The following LARGE1 variants were observed in gnomAD, a reference collection of about 807,000 sequenced individuals.
The protein encoded by LARGE1 is LARGE xylosyl- and glucuronyltransferase 1.
A neutral mutation model predicts 87.6 loss-of-function variants in LARGE1; 43 were observed. The observed-to-expected ratio is 0.49, with a 90% CI of 0.38 to 0.63. The LOEUF is 0.63. Among genes scored for constraint, LARGE1 ranks in the 30% least tolerant of loss-of-function variants. The pLI, the probability that LARGE1 is intolerant of heterozygous loss-of-function variation, is 0.00. For missense variants in LARGE1, 802 were observed against 1,000.2 expected (o/e 0.80, Z 2.67); for synonymous variants, 434 against 394.6 (o/e 1.10, Z -1.18).
chr22:33,861,917 G>A (rs1445563262), intron 1 of LARGE1, among the ~76,000 whole-genome samples: 1 of 147,614 alleles, frequency 6.8e-6, no homozygotes, highest in African/African-American at 2.5e-5. Context: ...AGGCTGGAGT[G>A]GCATGATCTC....
At chr22:33,274,656 G>T in intron 14 of LARGE1, 32 bp from the exon 15 acceptor site, 1 of 1,596,380 alleles carries the variant, frequency 6.3e-7, no homozygotes, top group Non-Finnish European at 8.6e-7. Context: ...GTGAGAACCC[G>T]CAAGAGCCGA....
chr22:33,622,097 G>T (rs944749640), intron 4 of LARGE1, among the ~76,000 whole-genome samples: 1 of 152,206 alleles, frequency 6.6e-6, no homozygotes, highest in African/African-American at 2.4e-5. Context: ...CCCACTGGAG[G>T]TTGTTAGGGA....
At chr22:33,305,156 G>A (rs1019119474) in intron 11 of LARGE1, among the ~76,000 whole-genome samples, 1 of 152,050 alleles carries the variant, frequency 6.6e-6, no homozygotes, top group African/African-American at 2.4e-5. Context: ...TGGGACCTTG[G>A]AGTCAGGGAG....
At chr22:33,789,368 T>C (rs1459859344) in intron 1 of LARGE1, among the ~76,000 whole-genome samples, 2 of 152,236 alleles carry the variant, frequency 1.3e-5, no homozygotes, top group Non-Finnish European at 2.9e-5. Context: ...TCCAGGCAGA[T>C]GTCTGCTACA....
At chr22:33,781,253 C>T in intron 1 of LARGE1, among the ~76,000 whole-genome samples, 1 of 152,156 alleles carries the variant, frequency 6.6e-6, no homozygotes, top group South Asian at 2.1e-4. Flanking sequence ...AATCCCAGCA[C>T]TTTGGGAGGC....
chr22:33,816,629 C>T (rs542495579), intron 1 of LARGE1, among the ~76,000 whole-genome samples: 46 of 151,788 alleles, frequency 3.0e-4, no homozygotes, highest in African/African-American at 1.1e-3. Context: ...GGCAGGCAGG[C>T]GGGAGGGCGG....
intron 6 of LARGE1, among the ~76,000 whole-genome samples, chr22:33,457,884 G>C (rs1030877849): frequency 6.6e-6 from 1 of 152,070 alleles, no homozygotes; most frequent in African/African-American, 2.4e-5. Context: ...TGTGTATATG[G>C]AAAACGACAC....
At chr22:33,449,324 C>T in intron 6 of LARGE1, among the ~76,000 whole-genome samples, 1 of 152,138 alleles carries the variant, frequency 6.6e-6, no homozygotes, top group East Asian at 1.9e-4. Flanking sequence ...AGCTGTTGAG[C>T]AAAGAGGAAG....
At chr22:33,518,858 ATACATCAAAAGAGACGGTCATGTG>A (rs2071431760) in intron 6 of LARGE1, among the ~76,000 whole-genome samples, 1 of 152,084 alleles carries the variant, frequency 6.6e-6, no homozygotes, top group African/African-American at 2.4e-5. Flanking sequence ...ACATCCTGAC[ATACATCAAAAGAGACGGTCATGTG>A]TACATATATC....
chr22:33,869,903 T>A (rs1449349665), intron 1 of LARGE1, among the ~76,000 whole-genome samples: 1 of 152,222 alleles, frequency 6.6e-6, no homozygotes, highest in African/African-American at 2.4e-5. Flanking sequence ...CCGCTGATGT[T>A]GAAGGCACTG....
intron 12 of LARGE1, among the ~76,000 whole-genome samples, chr22:33,287,138 G>A (rs1223520355): frequency 6.6e-6 from 1 of 152,206 alleles, no homozygotes; most frequent in African/African-American, 2.4e-5. Context: ...TGTCTTATGT[G>A]TTGGTTTTCC....
At chr22:33,848,909 T>C (rs780235409) in intron 1 of LARGE1, among the ~76,000 whole-genome samples, 3 of 152,186 alleles carry the variant, frequency 2.0e-5, no homozygotes, top group Non-Finnish European at 4.4e-5. Flanking sequence ...AAAAGGCTAA[T>C]TGCACAATAA....
chr22:33,714,986 G>A (rs564492568), intron 2 of LARGE1, among the ~76,000 whole-genome samples: 1 of 152,308 alleles, frequency 6.6e-6, no homozygotes, highest in East Asian at 1.9e-4. Flanking sequence ...AAGAAATCAG[G>A]AAGGAGAAGA....
chr22:33,632,445 C>A (rs1000827928), intron 3 of LARGE1, among the ~76,000 whole-genome samples: 5 of 152,218 alleles, frequency 3.3e-5, no homozygotes, highest in South Asian at 4.2e-4. Context: ...TTGTAGACCA[C>A]GTTAAGTGGG....
At chr22:33,670,980 G>A (rs551509649) in intron 2 of LARGE1, among the ~76,000 whole-genome samples, 2 of 152,282 alleles carry the variant, frequency 1.3e-5, no homozygotes, top group South Asian at 2.1e-4. Context: ...ACCAAAAAAT[G>A]AGAAAATGTG....
At chr22:33,757,314 T>C (rs190561923) in intron 2 of LARGE1, among the ~76,000 whole-genome samples, 216 of 152,338 alleles carry the variant, frequency 1.4e-3, no homozygotes, top group Non-Finnish European at 2.7e-3. Context: ...CTTAGTGTCA[T>C]AATTCCCCTT....
chr22:33,186,124 C>G (rs182615748), intron 11 of LARGE1, among the ~76,000 whole-genome samples: 2 of 152,202 alleles, frequency 1.3e-5, no homozygotes, highest in East Asian at 3.9e-4. Context: ...ATCAATCGCA[C>G]ACAAATCCAG....
chr22:33,861,847 G>A (rs1156535897), intron 1 of LARGE1, among the ~76,000 whole-genome samples: 1 of 147,812 alleles, frequency 6.8e-6, no homozygotes, highest in African/African-American at 2.5e-5. Context: ...GTGGATTTTG[G>A]GACCCAGACA....
intron 6 of LARGE1, among the ~76,000 whole-genome samples, chr22:33,473,012 C>T (rs1282070022): frequency 6.6e-6 from 1 of 152,166 alleles, no homozygotes; most frequent in African/African-American, 2.4e-5. Context: ...TCTTGGCTTG[C>T]CTGGGACTGA....
Sources: gnomAD v4.1 joint callset for allele counts (sites outside exome capture counted in the v4.1 genomes callset) on GRCh38, gnomAD v4.1.1 for gene constraint, MANE v1.5 for transcripts, NCBI Gene and HGNC (gene_info 2026-07-23, HGNC 2026-07-21) for gene names.